The following RUNX1T1 variants were observed in gnomAD, a reference collection of about 807,000 sequenced individuals.
RUNX1T1 encodes the protein RUNX1 partner transcriptional co-repressor 1.
RUNX1T1 carries 4 observed loss-of-function variants against 62.8 expected under a neutral mutation model. The ratio of observed to expected loss-of-function variants is 0.06; its 90% CI spans 0.03 to 0.15. The LOEUF is 0.15. Among genes scored for constraint, RUNX1T1 ranks in the 10% least tolerant of loss-of-function variants. The pLI, the probability that RUNX1T1 is intolerant of heterozygous loss-of-function variation, is 1.00. For missense variants in RUNX1T1, 508 were observed against 754.3 expected (o/e 0.67, Z 3.82); for synonymous variants, 291 against 286.0 (o/e 1.02, Z -0.18).
intron 9 of RUNX1T1, among the ~76,000 whole-genome samples, chr8:91,973,867 T>A (rs1375471887): frequency 6.6e-6 from 1 of 152,082 alleles, no homozygotes; most frequent in African/African-American, 2.4e-5. Flanking sequence ...TTAGCATATA[T>A]CCATAGAAAA....
intron 1 of RUNX1T1, among the ~76,000 whole-genome samples, chr8:92,030,666 C>T (rs756178276): frequency 6.6e-6 from 1 of 152,212 alleles, no homozygotes; most frequent in African/African-American, 2.4e-5. Context: ...TAACCCAAAA[C>T]ATACCTTTCA....
chr8:92,095,682 A>G, intron 1 of RUNX1T1: 2 of 572,532 alleles, frequency 3.5e-6, no homozygotes, highest in South Asian at 3.4e-5. Context: ...GGAGGGAAGG[A>G]GGGATGGAGG....
chr8:91,966,267 G>A (rs1811593880), intron 10 of RUNX1T1, among the ~76,000 whole-genome samples: 1 of 151,850 alleles, frequency 6.6e-6, no homozygotes. Flanking sequence ...GGCTTTGACA[G>A]GACCCATGCT....
intron 2 of RUNX1T1, among the ~76,000 whole-genome samples, chr8:92,070,922 C>T (rs62520942): frequency 6.6e-6 from 1 of 152,228 alleles, no homozygotes; most frequent in South Asian, 2.1e-4. Flanking sequence ...ACCACCACCA[C>T]CACCTTTGTT....
chr8:92,064,819 G>A (rs936518457), upstream of RUNX1T1, among the ~76,000 whole-genome samples: 8 of 152,104 alleles, frequency 5.3e-5, no homozygotes, highest in Non-Finnish European at 1.0e-4. Flanking sequence ...TCCCTAAACC[G>A]CAGCTCAGAC....
chr8:92,008,573 G>T (rs971332268), intron 4 of RUNX1T1, among the ~76,000 whole-genome samples: 1 of 152,048 alleles, frequency 6.6e-6, no homozygotes, highest in Non-Finnish European at 1.5e-5. Context: ...GGCAAACATA[G>T]TTATGCCAGC....
intron 5 of RUNX1T1, among the ~76,000 whole-genome samples, chr8:91,996,553 T>C (rs1818734054): frequency 6.6e-6 from 1 of 152,144 alleles, no homozygotes. Flanking sequence ...CCAGGAGACA[T>C]TTTCCTCAAC....
chr8:92,039,256 C>T (rs1039969390), intron 1 of RUNX1T1, among the ~76,000 whole-genome samples: 25 of 152,030 alleles, frequency 1.6e-4, no homozygotes, highest in Non-Finnish European at 2.9e-5. Context: ...ATCCAACCGC[C>T]TTGGTCTCCC....
intron 8 of RUNX1T1, among the ~76,000 whole-genome samples, chr8:91,981,899 A>G (rs970791378): frequency 5.9e-5 from 9 of 152,280 alleles, no homozygotes; most frequent in Non-Finnish European, 1.2e-4. Context: ...AAGTGCATTT[A>G]TATTTCAGAG....
chr8:92,060,053 A>G (rs1300239536), intron 1 of RUNX1T1, among the ~76,000 whole-genome samples: 2 of 152,204 alleles, frequency 1.3e-5, no homozygotes, highest in African/African-American at 2.4e-5. Flanking sequence ...TCATAAAAAT[A>G]TAAGTGTTTC....
intron 6 of RUNX1T1, among the ~76,000 whole-genome samples, chr8:91,991,196 G>A (rs943790812): frequency 7.2e-5 from 10 of 139,688 alleles, no homozygotes; most frequent in Admixed American, 5.5e-4. Flanking sequence ...GGAATATCAT[G>A]GAGGCTCAAA....
At chr8:92,038,435 A>C (rs1827823400) in intron 1 of RUNX1T1, among the ~76,000 whole-genome samples, 1 of 152,198 alleles carries the variant, frequency 6.6e-6, no homozygotes, top group South Asian at 2.1e-4. Flanking sequence ...TGTCATTAAA[A>C]AACAGAAACA....
At chr8:91,984,263 A>G (rs763688087) in intron 8 of RUNX1T1, among the ~76,000 whole-genome samples, 1 of 152,186 alleles carries the variant, frequency 6.6e-6, no homozygotes, top group African/African-American at 2.4e-5. Context: ...ATATATACCT[A>G]TATCACCAGA....
intron 8 of RUNX1T1, among the ~76,000 whole-genome samples, chr8:91,984,760 T>C (rs1816186506): frequency 6.6e-6 from 1 of 152,202 alleles, no homozygotes. Context: ...ACACAAGATT[T>C]TTTTTTCCAC....
chr8:92,090,339 T>C (rs1836798295), intron 1 of RUNX1T1, among the ~76,000 whole-genome samples: 1 of 152,126 alleles, frequency 6.6e-6, no homozygotes, highest in Admixed American at 6.5e-5. Context: ...TGGGAAATGC[T>C]GAGATCAAGA....
At position 91,962,118 on chromosome 8, in the gene RUNX1T1, A is replaced by G. The variant is rs1183546923; in HGVS notation, c.1459-1601T>C. On this transcript the variant is annotated intron_variant, in intron 10 of 10. Transcript: ENST00000396218. ...AGCAGCCATCCTAACATTGTTAACA[A>G]ATAAATGGGCTCCCAGAGGCTGGCA... 5.3e-5 allele frequency among the ~76,000 whole-genome samples: 8 copies of G among 152,336 alleles called. No homozygotes were observed. The East Asian group carries it at 1.4e-3, about 26-fold the overall frequency.
At chr8:92,070,843 T>C (rs1261626416) in intron 2 of RUNX1T1, among the ~76,000 whole-genome samples, 1 of 152,232 alleles carries the variant, frequency 6.6e-6, no homozygotes, top group East Asian at 1.9e-4. Context: ...GACAGAATCC[T>C]AATGAAGTAG....
At chr8:92,081,943 T>G (rs1835339503) in intron 1 of RUNX1T1, among the ~76,000 whole-genome samples, 1 of 152,156 alleles carries the variant, frequency 6.6e-6, no homozygotes, top group Non-Finnish European at 1.5e-5. Context: ...TGGAGTGAAG[T>G]GGCGCAATCT....
chr8:92,018,061 A>G (rs774057527), intron 1 of RUNX1T1, among the ~76,000 whole-genome samples: 1 of 152,230 alleles, frequency 6.6e-6, no homozygotes, highest in African/African-American at 2.4e-5. Flanking sequence ...TAAGAATGTA[A>G]AAGTCCCAAA....
Sources: gnomAD v4.1 joint callset for allele counts (sites outside exome capture counted in the v4.1 genomes callset) on GRCh38, gnomAD v4.1.1 for gene constraint, MANE v1.5 for transcripts, NCBI Gene and HGNC (gene_info 2026-07-23, HGNC 2026-07-21) for gene names.